The following BICRAL variants were observed in gnomAD, a reference collection of about 807,000 sequenced individuals.
The protein encoded by BICRAL is BRD4-interacting chromatin-remodeling complex-associated protein-like.
Under a neutral mutation model 91.8 loss-of-function variants are expected in BICRAL, and 8 were observed. That is an observed-to-expected ratio of 0.09 (90% CI 0.05 to 0.16). BICRAL has a LOEUF of 0.16. Among genes scored for constraint, BICRAL ranks in the 10% least tolerant of loss-of-function variants. The pLI, the probability that BICRAL is intolerant of heterozygous loss-of-function variation, is 1.00. For missense variants in BICRAL, 1,038 were observed against 1,310.9 expected, an observed-to-expected ratio of 0.79 and a Z score of 3.21; for synonymous variants, 445 against 491.1, an observed-to-expected ratio of 0.91 and a Z score of 1.24.
At chr6:42,863,725 C>T (rs1326046751) in intron 12 of BICRAL, among the ~76,000 whole-genome samples, 1 of 152,138 alleles carries the variant, frequency 6.6e-6, no homozygotes, top group Non-Finnish European at 1.5e-5. Context: ...TAGCTGAAAA[C>T]TAATTTAAAA....
chr6:42,816,156 G>A (rs541500061), intron 2 of BICRAL, among the ~76,000 whole-genome samples: 12 of 150,930 alleles, frequency 8.0e-5, no homozygotes, highest in South Asian at 2.1e-4. Context: ...GCAGCAGTTC[G>A]AGACCAGCAT....
At position 42,794,356 on chromosome 6, in the gene BICRAL, T is replaced by G. The variant is rs1003117664; in HGVS notation, c.-102+12255T>G. ...AGGCTCAAGTGCTTTAACTTAGAAA[T>G]GCAGAACATATTCTGTTACATAAAA... On this transcript the variant is annotated intron_variant, in intron 1 of 12. Transcript: ENST00000314073. Among the ~76,000 whole-genome samples, 7 of 152,070 alleles carry G rather than the reference T, an allele frequency of 4.6e-5. No homozygotes were observed. The South Asian group carries it at 1.0e-3, about 23-fold the overall frequency.
intron 1 of BICRAL, among the ~76,000 whole-genome samples, chr6:42,806,014 C>A (rs56033456): frequency 0.46 from 68,915 of 149,670 alleles, 17,028 homozygotes; most frequent in African/African-American, 0.66. Flanking sequence ...AAAAAAAAAA[C>A]GAAGGAAGAA....
intron 1 of BICRAL, among the ~76,000 whole-genome samples, chr6:42,804,578 T>C (rs1763659063): frequency 1.3e-5 from 2 of 152,194 alleles, no homozygotes; most frequent in African/African-American, 4.8e-5. Context: ...TGGGAATGTC[T>C]TCTAAGTAAA....
chr6:42,766,937 G>C (rs1762644107), intron 1 of BICRAL, among the ~76,000 whole-genome samples: 1 of 152,060 alleles, frequency 6.6e-6, no homozygotes, highest in South Asian at 2.1e-4. Flanking sequence ...CTACTCGCGA[G>C]GCTGAGGCAG....
Position 42,829,256 on chromosome 6 carries a change from A to C in BICRAL, c.923A>C (p.Lys308Thr). 6.2e-7 allele frequency: 1 copy of C among 1,614,170 alleles called. No individual in the cohort carries two copies. The highest frequency in any genetic ancestry group is 1.3e-5 in the African/African-American group (1 of 75,056). Residue 308 changes from lysine to threonine, a missense_variant, in exon 6 of 13, where the codon AAA becomes ACA. Lys to Thr is a moderately conservative substitution (Grantham distance 78). This residue lies in a region of BICRAL where 532 missense variants were observed against 724.9 expected (regional missense o/e 0.73). Coordinates refer to ENST00000314073, the MANE Select transcript of BICRAL (RefSeq NM_001393499.1). ...AGGGGTCTTGCACCAAATTCAAATA[A>C]AGTCCCAATTAATATACAGCCAAAG... ...IQRGLAPNSN[K>T]VPINIQPKPI... is the part of the protein sequence containing the mutation.
intron 6 of BICRAL, among the ~76,000 whole-genome samples, chr6:42,831,432 A>G (rs1168641649): frequency 6.6e-6 from 1 of 152,204 alleles, no homozygotes; most frequent in Non-Finnish European, 1.5e-5. Flanking sequence ...TGCTCTTACT[A>G]TACTGTTATG....
intron 6 of BICRAL, among the ~76,000 whole-genome samples, chr6:42,845,607 T>A (rs1027984407): frequency 2.0e-5 from 3 of 152,090 alleles, no homozygotes; most frequent in African/African-American, 4.8e-5. Context: ...GCATGGCCTT[T>A]TAGCTCTCCT....
At chr6:42,835,837 G>A (rs775444454) in intron 6 of BICRAL, among the ~76,000 whole-genome samples, 19 of 152,232 alleles carry the variant, frequency 1.2e-4, no homozygotes, top group Non-Finnish European at 2.5e-4. Flanking sequence ...GGGAGGCTGA[G>A]ATGGACCATC....
intron 1 of BICRAL, among the ~76,000 whole-genome samples, chr6:42,799,277 A>G (rs1234658681): frequency 6.6e-6 from 1 of 150,504 alleles, no homozygotes; most frequent in Non-Finnish European, 1.5e-5. Context: ...GAGGGTAGTT[A>G]TTAGATTCAC....
At chr6:42,768,817 C>T (rs957067352) in intron 1 of BICRAL, among the ~76,000 whole-genome samples, 3 of 152,196 alleles carry the variant, frequency 2.0e-5, no homozygotes, top group Non-Finnish European at 4.4e-5. Context: ...CTGCTCCTCA[C>T]AGCTGACCCA....
At chr6:42,836,922 CTG>C (rs1444020592) in intron 6 of BICRAL, among the ~76,000 whole-genome samples, 1 of 143,738 alleles carries the variant, frequency 7.0e-6, no homozygotes, top group African/African-American at 2.6e-5. Context: ...GCCTGGTCCT[CTG>C]TGTAGTTTCT....
chr6:42,785,576 AGAATT>A (rs1239407170), intron 1 of BICRAL, among the ~76,000 whole-genome samples: 2 of 151,768 alleles, frequency 1.3e-5, no homozygotes, highest in East Asian at 1.9e-4. Flanking sequence ...AAAAAAAAAA[AGAATT>A]GAATCCAGGA....
rs571428575 is a variant in BICRAL, at chr6:42,853,605, T to G, written c.1946-33T>G. ...ATGATGGACCCAATTTACTGTTTCT[T>G]TTGAACACTGTCTCATGTATTAATT... On this transcript the variant is annotated intron_variant, in intron 7 of 12. Coordinates refer to ENST00000314073, the MANE Select transcript of BICRAL (RefSeq NM_001393499.1). The G allele has an allele frequency of 1.1e-5, 16 of 1,510,846 alleles. No individual in the cohort carries two copies. The South Asian group carries it at 1.7e-4, about 16-fold the overall frequency. The allele number at this position is 1,510,846 out of a possible 1,614,324, so 93.6% of individuals were successfully genotyped here.
chr6:42,829,771 G>A lies in BICRAL; in HGVS notation c.1438G>A (p.Ala480Thr), dbSNP rs768405641. Reference protein sequence around the residue: ...VHLVSGQTFAASGSPVIANHA... With the variant: ...VHLVSGQTFATSGSPVIANHA... ...CTTAGTGTCTGGGCAGACATTTGCT[G>A]CCTCTGGAAGTCCAGTGATAGCCAA... is the stretch of plus-strand genomic sequence containing the variant. Residue 480 changes from alanine to threonine, a missense_variant, in exon 6 of 13, where the codon GCC (alanine) becomes ACC (threonine). By Grantham distance (58) the Ala-to-Thr change is moderately conservative (BLOSUM62 0). This residue lies in a region of BICRAL where 532 missense variants were observed against 724.9 expected (regional missense o/e 0.73). Coordinates refer to ENST00000314073, the MANE Select transcript of BICRAL (RefSeq NM_001393499.1). 2.5e-6 allele frequency: 4 copies of A among 1,614,128 alleles called. No homozygotes were observed. In the South Asian group the frequency reaches 4.4e-5, roughly 18 times the overall value.
intron 6 of BICRAL, among the ~76,000 whole-genome samples, chr6:42,830,376 G>T (rs533877220): frequency 9.2e-5 from 14 of 152,008 alleles, no homozygotes; most frequent in African/African-American, 3.4e-4. Flanking sequence ...GGCCAGCCTG[G>T]GCAACATAGT....
chr6:42,797,766 G>A (rs1272820671), intron 1 of BICRAL, among the ~76,000 whole-genome samples: 1 of 152,092 alleles, frequency 6.6e-6, no homozygotes, highest in African/African-American at 2.4e-5. Context: ...CTGAGGTCAG[G>A]AGTTTGAGAG....
chr6:42,838,317 C>CCTTGTCTGACTGGA (rs944824157), intron 6 of BICRAL, among the ~76,000 whole-genome samples: 6 of 152,182 alleles, frequency 3.9e-5, no homozygotes, highest in African/African-American at 1.4e-4. Context: ...TCTAGAGTGG[C>CCTTGTCTGACTGGA]CTTGTCTGAC....
chr6:42,864,909 C>A lies in BICRAL; in HGVS notation c.2703C>A (p.Gly901=). The A allele has an allele frequency of 6.2e-7, 1 of 1,614,156 alleles. No individual in the cohort carries two copies. Among genetic ancestry groups the A allele is most frequent in the Non-Finnish European group, 8.5e-7 (1 of 1,180,040 alleles). ...TTTCTAAAAAAACAGAATGCCTTGG[C>A]AGAGCACTGAAATTTGACAAAGTGG... ...GNISKKTECL[G]RALKFDKVGL... Residue 901 remains glycine (G), a synonymous_variant, in exon 13 of 13, where the codon GGC becomes GGA. Coordinates refer to ENST00000314073, the MANE Select transcript of BICRAL (RefSeq NM_001393499.1).
Sources: allele counts gnomAD v4.1 joint callset (sites outside exome capture counted in the v4.1 genomes callset), GRCh38; gene constraint gnomAD v4.1.1; regional missense constraint gnomAD v4.1.1; transcripts MANE v1.5; gene names NCBI Gene and HGNC (gene_info 2026-07-23, HGNC 2026-07-21).